PNPT1: variants seen among roughly 807,000 people sequenced by gnomAD.
PNPT1 encodes polyribonucleotide nucleotidyltransferase 1, mitochondrial.
Under a neutral mutation model 119.5 loss-of-function variants are expected in PNPT1, and 53 were observed. The observed-to-expected ratio is 0.44, with a 90% CI of 0.36 to 0.56. The LOEUF is 0.56. Among genes scored for constraint, PNPT1 ranks in the 20% least tolerant of loss-of-function variants. PNPT1 has a pLI of 0.00. For synonymous variants in PNPT1, 357 were observed against 322.1 expected, an observed-to-expected ratio of 1.11 and a Z score of -1.16; for missense variants, 948 against 938.5, an observed-to-expected ratio of 1.01 and a Z score of -0.13.
In PNPT1 at chr2:55,687,690, A is replaced by G. The variant is rs1202736158; in HGVS notation, c.177T>C (p.Ser59=). The part of the protein sequence containing the change: ...VDLGNRKLEI[S]SGKLARFADG... ...CTGCAAATCTGGCCAGCTTTCCAGA[A>G]GATATTTCTAATTTCCTGTTTAAAA... Residue 59 remains serine (S), a synonymous_variant, in exon 2 of 28, where the codon TCT becomes TCC. Coordinates refer to ENST00000447944, the MANE Select transcript of PNPT1 (RefSeq NM_033109.5). 1 of 1,602,716 alleles carries G rather than the reference A, an allele frequency of 6.2e-7. No individual in the cohort carries two copies. The highest frequency in any genetic ancestry group is 2.3e-5 in the East Asian group (1 of 44,408).
chr2:55,693,687 G>A lies in PNPT1; in HGVS notation c.137C>T (p.Ala46Val). Residue 46 changes from alanine to valine, a missense_variant, in exon 1 of 28, where the codon GCT becomes GTT. Ala to Val is a moderately conservative substitution (Grantham distance 64, BLOSUM62 0). Transcript: ENST00000447944. Reference protein sequence around the residue: ...RALWSSAGSRAVAVDLGNRKL... With the variant: ...RALWSSAGSRVVAVDLGNRKL... ...CCTGTTGCCTAAGTCCACGGCCACA[G>A]CTCGAGACCCTGCGCTACTCCATAG... The A allele has an allele frequency of 1.9e-6, 3 of 1,614,220 alleles. No homozygotes were observed. The highest frequency in any genetic ancestry group is 2.5e-6 in the Non-Finnish European group (3 of 1,180,040).
chr2:55,671,638 T>A (rs558758975), intron 10 of PNPT1, among the ~76,000 whole-genome samples: 208 of 152,326 alleles, frequency 1.4e-3, no homozygotes, highest in African/African-American at 4.6e-3. Flanking sequence ...GCCAGGAGTT[T>A]GAGACCAGCC....
chr2:55,660,814 T>C (rs760148276), intron 14 of PNPT1, among the ~76,000 whole-genome samples: 1 of 152,172 alleles, frequency 6.6e-6, no homozygotes, highest in African/African-American at 2.4e-5. Context: ...CTAGAATATA[T>C]GGAGGTACCC....
In PNPT1 at chr2:55,647,221, T is replaced by G. The variant is rs754923704; in HGVS notation, c.1602+126A>C. ...GTACCTGTTCTTCAAATACTAGCAT[T>G]CTTCTAAGCATACGCTAGGTGCAAA... On this transcript the variant is annotated intron_variant, in intron 19 of 27. Transcript: ENST00000447944. 110 of 644,198 alleles carry G rather than the reference T, an allele frequency of 1.7e-4. 1 individual carries two copies. Among genetic ancestry groups the G allele is most frequent in the Admixed American group, 8.2e-4 (26 of 31,690 alleles). The allele number at this position is 644,198 out of a possible 1,614,324, so 39.9% of individuals were successfully genotyped here.
intron 13 of PNPT1, among the ~76,000 whole-genome samples, chr2:55,662,606 C>T (rs141847528): frequency 3.7e-4 from 57 of 152,196 alleles, no homozygotes; most frequent in African/African-American, 1.3e-3. Context: ...ATCCAACAGG[C>T]GAGGTTGCAG....
At chr2:55,661,931 C>G in intron 14 of PNPT1, 25 bp downstream of exon 14, 2 of 1,530,824 alleles carry the variant, frequency 1.3e-6, no homozygotes, top group Middle Eastern at 1.7e-4. Context: ...TAAAACGTAA[C>G]AAACATCTTA....
intron 15 of PNPT1, among the ~76,000 whole-genome samples, chr2:55,659,243 C>A (rs1455974311): frequency 6.6e-6 from 1 of 152,162 alleles, no homozygotes; most frequent in Non-Finnish European, 1.5e-5. Flanking sequence ...GTATGAGCTA[C>A]CATGCCCTGC....
intron 15 of PNPT1, among the ~76,000 whole-genome samples, chr2:55,657,491 G>A (rs1029385972): frequency 3.3e-5 from 5 of 151,102 alleles, no homozygotes; most frequent in Admixed American, 6.6e-5. Flanking sequence ...GGGTTCAAGC[G>A]ATTCTCCTGC....
intron 1 of PNPT1, among the ~76,000 whole-genome samples, chr2:55,693,197 G>A (rs779305987): frequency 6.6e-6 from 1 of 152,214 alleles, no homozygotes; most frequent in Non-Finnish European, 1.5e-5. Context: ...GAAGGAGCCC[G>A]AGGAGTGGGA....
intron 8 of PNPT1, among the ~76,000 whole-genome samples, chr2:55,677,536 G>C (rs1400690113): frequency 7.3e-6 from 1 of 137,050 alleles, no homozygotes; most frequent in African/African-American, 2.7e-5. Flanking sequence ...GGAGGTTGCA[G>C]TGAGCTGAGA....
chr2:55,656,332 C>G lies in PNPT1; in HGVS notation c.1324G>C (p.Gly442Arg), dbSNP rs1259903831. Residue 442 changes from glycine (G) to arginine (R), a missense_variant, in exon 16 of 28, where the codon GGT (glycine) becomes CGT (arginine). By Grantham distance (125) the Gly-to-Arg change is moderately radical. Coordinates refer to ENST00000447944, the MANE Select transcript of PNPT1 (RefSeq NM_033109.5). ...TGCCCAAGTTCTCTTCTATTTAAAC[C>G]AGTGACTTTGCCAATTTCATTAGTT... Reference protein sequence around the residue: ...YATNEIGKVTGLNRRELGHGA... With the variant: ...YATNEIGKVTRLNRRELGHGA... The G allele has an allele frequency of 6.2e-7, 1 of 1,609,668 alleles. No homozygotes were observed. Among genetic ancestry groups the G allele is most frequent in the Admixed American group, 1.7e-5 (1 of 59,416 alleles).
At chr2:55,685,188 T>C (rs1296739793) in intron 3 of PNPT1, 140 bp from the exon 4 acceptor site, 1 of 575,606 alleles carries the variant, frequency 1.7e-6, no homozygotes, top group African/African-American at 1.9e-5. Context: ...GCATTTTGTA[T>C]CTTTTGGGGA....
At chr2:55,672,165 G>A (rs1696937023) in intron 9 of PNPT1, 119 bp from the exon 10 acceptor site, 1 of 705,972 alleles carries the variant, frequency 1.4e-6, no homozygotes, top group African/African-American at 1.9e-5. Flanking sequence ...AAATACTTCA[G>A]AAAGAATTGA....
intron 1 of PNPT1, among the ~76,000 whole-genome samples, chr2:55,692,144 C>T (rs943526153): frequency 6.6e-6 from 1 of 151,942 alleles, no homozygotes. Flanking sequence ...CTCAGCCTCC[C>T]AAAGTGCTCG....
Position 55,693,781 on chromosome 2 carries a change from G to A in PNPT1, c.43C>T (p.Pro15Ser), listed in dbSNP as rs763665881. 11 of 1,613,922 alleles carry A rather than the reference G, an allele frequency of 6.8e-6. No homozygotes were observed. The highest frequency in any genetic ancestry group is 1.1e-5 in the South Asian group (1 of 91,094). Residue 15 changes from proline to serine, a missense_variant, in exon 1 of 28, where the codon CCC becomes TCC. Coordinates refer to ENST00000447944, the MANE Select transcript of PNPT1 (RefSeq NM_033109.5). ...RYCCSCLRLRPLSDGPFLLPR... is the reference protein window; with the variant it reads ...RYCCSCLRLRSLSDGPFLLPR... ...AGAAGGAAAGGACCATCGCTCAGGG[G>A]CCGGAGCCGGAGGCACGAGCAGCAG...
In PNPT1 at chr2:55,660,055, G is replaced by C; in HGVS notation, c.1284+102C>G. On this transcript the variant is annotated intron_variant, in intron 15 of 27. Transcript: ENST00000447944. ...GGAGGGAGAGGTTGCAGTGAGCTGAGACTGCACCACTCCACTCCAGCCTGG... is the reference window on the plus strand; with the variant it reads ...GGAGGGAGAGGTTGCAGTGAGCTGACACTGCACCACTCCACTCCAGCCTGG... 2.5e-6 allele frequency: 3 copies of C among 1,183,062 alleles called. No individual in the cohort carries two copies. The South Asian group carries it at 5.0e-5, about 20-fold the overall frequency. The allele number at this position is 1,183,062 out of a possible 1,614,324, so 73.3% of individuals were successfully genotyped here.
In PNPT1 at chr2:55,693,837, CG is replaced by C. The variant is rs1697702067; in HGVS notation, c.-15del. The C allele has an allele frequency of 6.2e-7, 1 of 1,612,424 alleles. No homozygotes were observed. Among genetic ancestry groups the C allele is most frequent in the Non-Finnish European group, 8.5e-7 (1 of 1,179,854 alleles). ...GCAGGCCGCCATGACACCCGGCACG[CG>C]GTCAACGCAGGCTGTGCCCTGATTG... On this transcript the variant is annotated 5_prime_UTR_variant, in exon 1 of 28. Coordinates refer to ENST00000447944, the MANE Select transcript of PNPT1 (RefSeq NM_033109.5).
rs1428667180 is a variant in PNPT1 at position 55,645,356 on chromosome 2, A to G, written c.1815T>C (p.Pro605=). The G allele has an allele frequency of 1.2e-6, 2 of 1,605,486 alleles. No homozygotes were observed. Among genetic ancestry groups the G allele is most frequent in the Admixed American group, 3.3e-5 (2 of 59,930 alleles). Residue 605 remains proline, a synonymous_variant, in exon 22 of 28, where the codon CCT becomes CCC. Coordinates refer to ENST00000447944, the MANE Select transcript of PNPT1 (RefSeq NM_033109.5). ...KPRASRKENG[P]VVETVQVPLS... ...AAAATTTTAATGTATTACCTACAACAGGTCCATTTTCTTTTCTAGATGCTC... is the reference window on the plus strand; with the variant it reads ...AAAATTTTAATGTATTACCTACAACGGGTCCATTTTCTTTTCTAGATGCTC...
At chr2:55,654,833 C>G in intron 18 of PNPT1, 67 bp downstream of exon 18, 1 of 1,320,754 alleles carries the variant, frequency 7.6e-7, no homozygotes, top group Non-Finnish European at 1.0e-6. Context: ...GCCTTGGCCT[C>G]CCAAGGCTCA....
Sources: allele counts gnomAD v4.1 joint callset (sites outside exome capture counted in the v4.1 genomes callset), GRCh38; gene constraint gnomAD v4.1.1; transcripts MANE v1.5; gene names NCBI Gene and HGNC (gene_info 2026-07-23, HGNC 2026-07-21).